Variants in TMEM230 observed in about 807,000 individuals in gnomAD.
TMEM230 encodes transmembrane protein 230, also known as UPF0414 transmembrane protein C20orf30.
A neutral mutation model predicts 15.8 loss-of-function variants in TMEM230; 10 were observed. The ratio of observed to expected loss-of-function variants is 0.63; its 90% CI spans 0.39 to 1.07. The LOEUF (loss-of-function observed/expected upper bound fraction) is 1.07, where lower values mean the gene tolerates loss of function less well. Ranked by LOEUF, TMEM230 falls within the 50% of genes least tolerant of loss-of-function variation. The pLI is 0.01. For missense variants in TMEM230, 165 were observed against 193.3 expected (o/e 0.85, Z 0.87); for synonymous variants, 67 against 76.9 (o/e 0.87, Z 0.68).
intron 2 of TMEM230, chr20:5,111,291 T>C (rs2090305639): frequency 3.3e-5 from 5 of 151,322 alleles, no homozygotes; most frequent in Admixed American, 2.6e-4. Flanking sequence ...GTTTTTAAAT[T>C]CTAAATTCAA....
chr20:5,074,813 T>C (rs1009619093), intron 3 of TMEM230, among the ~76,000 whole-genome samples: 1 of 152,132 alleles, frequency 6.6e-6, no homozygotes. Context: ...TATTGCCTTT[T>C]AAAAAAAATT....
intron 2 of TMEM230, 91 bp from the exon 2 acceptor site, chr20:5,109,536 C>T (rs1207613906): frequency 4.1e-6 from 4 of 979,338 alleles, no homozygotes; most frequent in Admixed American, 2.3e-5. Context: ...ATGCTGTGCA[C>T]TGGAGTTCTG....
rs745819348 is a variant in TMEM230 at position 5,100,597 on chromosome 20, A to T, written c.*194T>A. 2 of 1,375,282 alleles carry T rather than the reference A, an allele frequency of 1.5e-6. No individual in the cohort carries two copies. The highest frequency in any genetic ancestry group is 2.9e-5 in the African/African-American group (2 of 68,292). The allele number at this position is 1,375,282 out of a possible 1,614,324, so 85.2% of individuals were successfully genotyped here. On this transcript the variant is annotated 3_prime_UTR_variant, in exon 5 of 5. Coordinates refer to ENST00000342308, the MANE Select transcript of TMEM230 (RefSeq NM_001009923.2). ...AAAAACTTGTCAGGGCCCAGGGATG[A>T]AAAATAGAGCTTGTCCTAATTAGCT...
At position 5,106,190 on chromosome 20, in the gene TMEM230, C is replaced by T; in HGVS notation, c.409G>A (p.Gly137Arg). The change falls in exon 4 of 5, where the codon GGG (glycine) becomes AGG (arginine). Residue 137 changes from glycine to arginine, a missense_variant and splice_region_variant. Transcript: ENST00000342308. ...TTCCCACATGCCCGTCAGCTTACCC[C>T]TTTGCTGATGTAGCCTGACAGCAGG... is the stretch of plus-strand genomic sequence containing the variant. 1 of 1,608,422 alleles carries T rather than the reference C, an allele frequency of 6.2e-7. No homozygotes were observed.
downstream of TMEM230, among the ~76,000 whole-genome samples, chr20:5,064,144 G>A (rs1320567184): frequency 6.6e-6 from 1 of 152,054 alleles, no homozygotes; most frequent in African/African-American, 2.4e-5. Context: ...GCGCACACCT[G>A]TAGTCCCAGC....
intron 3 of TMEM230, among the ~76,000 whole-genome samples, chr20:5,093,843 G>A (rs1340498992): frequency 6.6e-6 from 1 of 151,306 alleles, no homozygotes; most frequent in African/African-American, 2.4e-5. Context: ...CAGCCTAAAA[G>A]GTCCCATTTA....
chr20:5,100,508 G>C lies in TMEM230; in HGVS notation c.*283C>G, dbSNP rs1002308866. 1 of 1,152,138 alleles carries C rather than the reference G, an allele frequency of 8.7e-7. No individual in the cohort carries two copies. The highest frequency in any genetic ancestry group is 2.6e-5 in the South Asian group (1 of 38,110). The allele number at this position is 1,152,138 out of a possible 1,614,324, so 71.4% of individuals were successfully genotyped here. A position where few individuals can be genotyped will look rare whatever the true frequency, so the allele number is the denominator to read the frequency against. On this transcript the variant is annotated 3_prime_UTR_variant, in exon 5 of 5. Transcript: ENST00000342308. ...GAAATGCTCAGCTCTACAGAGGGTGGTGGCAGGCAACACTTTTCCATTACA... is the reference window on the plus strand; with the variant it reads ...GAAATGCTCAGCTCTACAGAGGGTGCTGGCAGGCAACACTTTTCCATTACA...
intron 3 of TMEM230, among the ~76,000 whole-genome samples, chr20:5,085,461 G>T (rs2089307324): frequency 6.6e-6 from 1 of 152,058 alleles, no homozygotes; most frequent in African/African-American, 2.4e-5. Context: ...GCTAATTTTT[G>T]TATGTTTAGT....
downstream of TMEM230, among the ~76,000 whole-genome samples, chr20:5,065,757 T>G (rs1317712801): frequency 6.6e-6 from 1 of 152,154 alleles, no homozygotes; most frequent in Non-Finnish European, 1.5e-5. Context: ...GGACAGGAAG[T>G]GACCAGTCCA....
chr20:5,103,850 G>C (rs890682330), intron 4 of TMEM230, among the ~76,000 whole-genome samples: 1 of 152,094 alleles, frequency 6.6e-6, no homozygotes, highest in African/African-American at 2.4e-5. Context: ...AAGAAAACAT[G>C]GGGGAAACTC....
intron 3 of TMEM230, among the ~76,000 whole-genome samples, chr20:5,086,382 A>C (rs1600315277): frequency 6.6e-6 from 1 of 151,898 alleles, no homozygotes; most frequent in Admixed American, 6.6e-5. Flanking sequence ...TACTAAAAAT[A>C]CAAAAAATTA....
downstream of TMEM230, among the ~76,000 whole-genome samples, chr20:5,064,467 T>G (rs1388356389): frequency 6.6e-6 from 1 of 151,692 alleles, no homozygotes; most frequent in East Asian, 1.9e-4. Flanking sequence ...TCCCAGCTAC[T>G]TGGGAGGCTA....
At chr20:5,101,041 T>C in intron 4 of TMEM230, 110 bp from the exon 4 acceptor site, 1 of 1,317,704 alleles carries the variant, frequency 7.6e-7, no homozygotes, top group Admixed American at 3.2e-5. Flanking sequence ...TCAGTACTTT[T>C]TCTTTGAGTT....
At chr20:5,064,755 G>A (rs1229941720), downstream of TMEM230, among the ~76,000 whole-genome samples, 1 of 151,908 alleles carries the variant, frequency 6.6e-6, no homozygotes, top group African/African-American at 2.4e-5. Context: ...CTAATTCAAT[G>A]AAGGAAAAAT....
chr20:5,086,470 C>T (rs1370894908), intron 3 of TMEM230, among the ~76,000 whole-genome samples: 7 of 142,820 alleles, frequency 4.9e-5, no homozygotes, highest in East Asian at 2.1e-4. Context: ...ACCCGGGAGG[C>T]GCAGCTTGCA....
chr20:5,074,189 T>C (rs1341576253), intron 3 of TMEM230, among the ~76,000 whole-genome samples: 1 of 152,144 alleles, frequency 6.6e-6, no homozygotes, highest in East Asian at 1.9e-4. Flanking sequence ...CACTTCAACA[T>C]GAGATTTGAA....
chr20:5,060,046 A>G, the TMEM230 span, among the ~76,000 whole-genome samples: 31 of 152,250 alleles, frequency 2.0e-4, no homozygotes, highest in South Asian at 6.2e-3. Context: ...TGCTGGGATT[A>G]CAGGCATGAG....
chr20:5,066,088 AG>A (rs1258532247), downstream of TMEM230: 2 of 152,264 alleles, frequency 1.3e-5, no homozygotes, highest in Non-Finnish European at 2.9e-5. Flanking sequence ...GAAACCTCAC[AG>A]CTTTGCTAAG....
At chr20:5,060,312 T>C in the TMEM230 span, among the ~76,000 whole-genome samples, 651 of 151,102 alleles carry the variant, frequency 4.3e-3, 9 homozygotes, top group African/African-American at 0.015. Context: ...ACTGGAATCA[T>C]ATGTTATACA....
Sources: gnomAD v4.1 joint callset for allele counts (sites outside exome capture counted in the v4.1 genomes callset) on GRCh38, gnomAD v4.1.1 for gene constraint, MANE v1.5 for transcripts, NCBI Gene and HGNC (gene_info 2026-07-23, HGNC 2026-07-21) for gene names.